Variants in CRYBG2 observed in about 807,000 individuals in gnomAD.
The protein encoded by CRYBG2 is crystallin beta-gamma domain containing 2.
A neutral mutation model predicts 153.4 loss-of-function variants in CRYBG2; 106 were observed. That is an observed-to-expected ratio of 0.69 (90% CI 0.59 to 0.81). CRYBG2 has a LOEUF of 0.81. CRYBG2 is among the 30% of genes least tolerant of loss of function. The pLI is 0.00. For synonymous variants in CRYBG2, 851 were observed against 877.8 expected (o/e 0.97, Z 0.54); for missense variants, 1,996 against 2,112.0 (o/e 0.95, Z 1.08).
chr1:26,336,602 G>T lies in CRYBG2; in HGVS notation c.4038+4C>A. ...AGGCCCCGCCCCCCGCGGCCGGCAC[G>T]CACCTGTAGGACCGGCTGCAGCGAG... is the stretch of plus-strand genomic sequence containing the variant. On this transcript the variant is annotated splice_donor_region_variant and intron_variant, in intron 12 of 19. Coordinates refer to ENST00000308182, the MANE Select transcript of CRYBG2 (RefSeq NM_001039775.4). This position sits in a 1 kb window ranked among gnomAD's most constrained non-coding sequence, Gnocchi z 4.9. 1 of 1,547,570 alleles carries T rather than the reference G, an allele frequency of 6.5e-7. No homozygotes were observed. Among genetic ancestry groups the T allele is most frequent in the South Asian group, 1.2e-5 (1 of 83,830 alleles).
chr1:26,343,007 G>T lies in CRYBG2; in HGVS notation c.3074+40C>A. The T allele has an allele frequency of 6.5e-7, 1 of 1,535,786 alleles. No individual in the cohort carries two copies. The highest frequency in any genetic ancestry group is 8.8e-7 in the Non-Finnish European group (1 of 1,136,900). ...CCTCACTCCCCTCTGCATCCCCCCA[G>T]GTTCACAGCCAAGTGCCTTGCTGGG... On this transcript the variant is annotated intron_variant, in intron 4 of 19. Coordinates refer to ENST00000308182, the MANE Select transcript of CRYBG2 (RefSeq NM_001039775.4). The surrounding 1 kb of genome is among the most constrained non-coding windows in gnomAD (Gnocchi z 4.1).
Position 26,345,261 on chromosome 1 carries a change from C to A in CRYBG2, c.1397G>T (p.Gly466Val). 6.2e-7 allele frequency: 1 copy of A among 1,612,338 alleles called. No individual in the cohort carries two copies. The highest frequency in any genetic ancestry group is 8.5e-7 in the Non-Finnish European group (1 of 1,179,548). The stretch of plus-strand genomic sequence containing the variant: ...AGATGAGGCAGCAGGAGCACCGGGG[C>A]CCTTCACGACCTCCCTCTGGGTAAA... ...LPFTQREVVK[G>V]PGAPAASSPT... The change falls in exon 2 of 20, where the codon GGC (glycine) becomes GTC (valine). Residue 466 changes from glycine to valine, a missense_variant. Physicochemically the swap from Gly to Val is moderately radical, Grantham distance 109. Transcript: ENST00000308182.
chr1:26,345,483 T>A lies in CRYBG2; in HGVS notation c.1175A>T (p.Lys392Ile). Residue 392 changes from lysine (K) to isoleucine (I), a missense_variant, in exon 2 of 20, where the codon AAA (lysine) becomes ATA (isoleucine). Physicochemically the swap from Lys to Ile is moderately radical, Grantham distance 102 (BLOSUM62 -3). Transcript: ENST00000308182. ...AGGGGGGTCCACGGGCCCGTCCTTT[T>A]TTTTAGGGGGCAGAACAAGGGGAGT... ...RLTPLVLPPKKKDGPVDPPAA... is the reference protein window; with the variant it reads ...RLTPLVLPPKIKDGPVDPPAA... The A allele has an allele frequency of 6.3e-7, 1 of 1,591,802 alleles. No homozygotes were observed. The highest frequency in any genetic ancestry group is 8.6e-7 in the Non-Finnish European group (1 of 1,168,214).
rs756590777 is a variant in CRYBG2, at chr1:26,336,820, C to T, written c.3911+21G>A. ...CCGGCTCGCCCGGGCCCGCCCCGCT[C>T]CCGGAGCCCGGGTCACTTACACGCC... On this transcript the variant is annotated intron_variant, in intron 11 of 19. Transcript: ENST00000308182. This position sits in a 1 kb window ranked among gnomAD's most constrained non-coding sequence, Gnocchi z 4.9. The T allele has an allele frequency of 4.4e-6, 7 of 1,573,288 alleles. No homozygotes were observed. The highest frequency in any genetic ancestry group is 1.4e-5 in the African/African-American group (1 of 73,670).
intron 15 of CRYBG2, among the ~76,000 whole-genome samples, chr1:26,330,263 G>A (rs2073983206): frequency 6.6e-6 from 1 of 152,058 alleles, no homozygotes; most frequent in East Asian, 1.9e-4. Flanking sequence ...CACTTAATAG[G>A]GAGGAAACAG....
intron 16 of CRYBG2, 98 bp downstream of exon 16, chr1:26,328,636 G>C: frequency 6.7e-7 from 1 of 1,484,340 alleles, no homozygotes; most frequent in South Asian, 1.3e-5. Flanking sequence ...GGGGAAAAGT[G>C]GGGAGGGGAA....
chr1:26,347,084 G>C (rs1283777348), intron 1 of CRYBG2, among the ~76,000 whole-genome samples: 1 of 152,156 alleles, frequency 6.6e-6, no homozygotes, highest in Non-Finnish European at 1.5e-5. Flanking sequence ...TCCCCCAGGA[G>C]CTGAAAACTA....
intron 15 of CRYBG2, 37 bp from the exon 16 acceptor site, chr1:26,328,910 G>A (rs746455549): frequency 6.2e-7 from 1 of 1,611,436 alleles, no homozygotes; most frequent in South Asian, 1.1e-5. Context: ...GAGGCTCTGA[G>A]AGCCCAAGTC....
At chr1:26,328,971 C>G (rs12057290) in intron 15 of CRYBG2, 98 bp from the exon 16 acceptor site, 2 of 1,468,118 alleles carry the variant, frequency 1.4e-6, no homozygotes, top group South Asian at 2.4e-5. Flanking sequence ...ATCTGTATGT[C>G]AGGCCTTCTT....
At position 26,338,364 on chromosome 1, in the gene CRYBG2, T is replaced by C; in HGVS notation, c.3458A>G (p.Lys1153Arg). 1 of 1,606,704 alleles carries C rather than the reference T, an allele frequency of 6.2e-7. No homozygotes were observed. The highest frequency in any genetic ancestry group is 1.1e-5 in the South Asian group (1 of 89,836). The change falls in exon 7 of 20, where the codon AAG becomes AGG. Residue 1153 changes from lysine to arginine, a missense_variant. Physicochemically the swap from Lys to Arg is conservative, Grantham distance 26. Coordinates refer to ENST00000308182, the MANE Select transcript of CRYBG2 (RefSeq NM_001039775.4). Reference sequence around the variant, plus strand: ...CCTGTTCTTTACCAATCTCATGGGCTTCAGGGAGCCCACGCTGGGGTCCGA... The same window carrying C: ...CCTGTTCTTTACCAATCTCATGGGCCTCAGGGAGCCCACGCTGGGGTCCGA... ...GTSDPSVGSL[K>R]PMRLGCPSVE... is the part of the protein sequence containing the mutation.
At chr1:26,323,085 C>T (rs907139593) in intron 18 of CRYBG2, among the ~76,000 whole-genome samples, 1 of 145,490 alleles carries the variant, frequency 6.9e-6, no homozygotes, top group Non-Finnish European at 1.5e-5. Context: ...TTCTATTCTC[C>T]TTTTTTTTTT....
chr1:26,340,306 C>G (rs2074114621), intron 5 of CRYBG2, among the ~76,000 whole-genome samples: 1 of 152,202 alleles, frequency 6.6e-6, no homozygotes, highest in South Asian at 2.1e-4. Context: ...TCCCAGTGGG[C>G]ATTATTCATC....
intron 18 of CRYBG2, among the ~76,000 whole-genome samples, chr1:26,322,963 C>T (rs2073877213): frequency 6.6e-6 from 1 of 152,196 alleles, no homozygotes; most frequent in South Asian, 2.1e-4. Context: ...TCCTCAGGGC[C>T]TTTGCACTGG....
intron 16 of CRYBG2, 30 bp from the exon 17 acceptor site, chr1:26,328,362 G>C (rs987394938): frequency 6.4e-7 from 1 of 1,557,642 alleles, no homozygotes; most frequent in Middle Eastern, 1.7e-4. Context: ...GGGACACAGA[G>C]AAGAGCACAG....
At position 26,344,307 on chromosome 1, in the gene CRYBG2, C is replaced by T. The variant is rs1225050019; in HGVS notation, c.2351G>A (p.Arg784Gln). 15 of 1,508,952 alleles carry T rather than the reference C, an allele frequency of 9.9e-6. No homozygotes were observed. Among genetic ancestry groups the T allele is most frequent in the Admixed American group, 2.2e-5 (1 of 46,068 alleles). 93.5% of individuals were successfully genotyped at this position (1,508,952 alleles called of 1,614,324 possible). A position where few individuals can be genotyped will look rare whatever the true frequency, so the allele number is the denominator to read the frequency against. ...MEPPEILRTHRLPRAPRSSYL... is the reference protein window; with the variant it reads ...MEPPEILRTHQLPRAPRSSYL... The stretch of plus-strand genomic sequence containing the variant: ...GGAGGAGCGAGGGGCTCGTGGCAGC[C>T]GGTGAGTGCGGAGGATCTCAGGGGG... Residue 784 changes from arginine to glutamine, a missense_variant, in exon 2 of 20, where the codon CGG becomes CAG. Arg to Gln is a conservative substitution (Grantham distance 43). Coordinates refer to ENST00000308182, the MANE Select transcript of CRYBG2 (RefSeq NM_001039775.4).
At position 26,327,488 on chromosome 1, in the gene CRYBG2, A is replaced by C. The variant is rs555230496; in HGVS notation, c.4578+721T>G. ...GTCTCAAAAAACAAAAAACAAAAAA[A>C]AAAACCAAAAATTAGCCAGATGTGG... On this transcript the variant is annotated intron_variant, in intron 17 of 19. Coordinates refer to ENST00000308182, the MANE Select transcript of CRYBG2 (RefSeq NM_001039775.4). Among the ~76,000 whole-genome samples the C allele has an allele frequency of 3.6e-4, 54 of 151,624 alleles. No individual in the cohort carries two copies. The East Asian group carries it at 6.4e-3, about 18-fold the overall frequency.
At chr1:26,351,253 C>T (rs543280649) in intron 1 of CRYBG2, among the ~76,000 whole-genome samples, 1 of 152,286 alleles carries the variant, frequency 6.6e-6, no homozygotes, top group Admixed American at 6.5e-5. Context: ...CTGCCCTCCT[C>T]GCTGGGACTC....
chr1:26,350,562 A>G (rs2074275320), intron 1 of CRYBG2, among the ~76,000 whole-genome samples: 2 of 152,220 alleles, frequency 1.3e-5, no homozygotes, highest in South Asian at 4.1e-4. Context: ...CCAAAGTCAC[A>G]GAGTAACCGA....
In CRYBG2 at chr1:26,324,195, C is replaced by T; in HGVS notation, c.4694G>A (p.Gly1565Asp). 6.2e-7 allele frequency: 1 copy of T among 1,613,682 alleles called. No individual in the cohort carries two copies. Among genetic ancestry groups the T allele is most frequent in the Non-Finnish European group, 8.5e-7 (1 of 1,179,990 alleles). The change falls in exon 18 of 20, where the codon GGT (glycine) becomes GAT (aspartate). Residue 1565 changes from glycine (G) to aspartate (D), a missense_variant. By Grantham distance (94) the Gly-to-Asp change is moderately conservative. Coordinates refer to ENST00000308182, the MANE Select transcript of CRYBG2 (RefSeq NM_001039775.4). ...ATCCTCGTAGTACCAGATGCAGCTA[C>T]CTCCAGCTTGGGGGTCGGCGACCAC... is the stretch of plus-strand genomic sequence containing the variant. Reference protein sequence around the residue: ...RVVVADPQAGGSCIWYYEDGL... With the variant: ...RVVVADPQAGDSCIWYYEDGL...
Sources: gnomAD v4.1 joint callset for allele counts (sites outside exome capture counted in the v4.1 genomes callset) on GRCh38, gnomAD v4.1.1 for gene constraint, Gnocchi (gnomAD v3.1) non-coding constraint, MANE v1.5 for transcripts, NCBI Gene and HGNC (gene_info 2026-07-23, HGNC 2026-07-21) for gene names.